Variants in CASR observed in about 807,000 individuals in gnomAD.
CASR encodes calcium sensing receptor, also known as extracellular calcium-sensing receptor.
A neutral mutation model predicts 69.1 loss-of-function variants in CASR; 23 were observed. The ratio of observed to expected loss-of-function variants is 0.33; its 90% CI spans 0.24 to 0.47. CASR has a LOEUF of 0.47. Among genes scored for constraint, CASR ranks in the 20% least tolerant of loss-of-function variants. The pLI is 1.00. For missense variants in CASR, 924 were observed against 1,356.1 expected (o/e 0.68, Z 5.00); for synonymous variants, 541 against 544.7 (o/e 0.99, Z 0.10).
chr3:122,221,837 GGAA>G (rs1412556079), intron 1 of CASR, among the ~76,000 whole-genome samples: 3 of 152,116 alleles, frequency 2.0e-5, no homozygotes, highest in Non-Finnish European at 4.4e-5. Flanking sequence ...GCAATTATTG[GGAA>G]GATTTAATGA....
At chr3:122,280,385 G>A (rs549272674) in intron 5 of CASR, among the ~76,000 whole-genome samples, 3 of 152,276 alleles carry the variant, frequency 2.0e-5, no homozygotes, top group Admixed American at 6.5e-5. Flanking sequence ...GAAATAAAGG[G>A]TATTCAAATA....
intron 1 of CASR, among the ~76,000 whole-genome samples, chr3:122,222,183 G>A (rs1432011065): frequency 6.6e-6 from 1 of 152,160 alleles, no homozygotes; most frequent in Admixed American, 6.5e-5. Flanking sequence ...TTTGCCCTTG[G>A]GAGGGTCCAT....
At position 122,287,510 on chromosome 3, in the gene CASR, C is replaced by T. The variant is rs2074980336; in HGVS notation, c.*2319C>T. ...TTCATCTTAGTCGAATCGGGGTTTT[C>T]ACAGTAACCTCAGTGTTTTCTGAGC... is the stretch of plus-strand genomic sequence containing the variant. On this transcript the variant is annotated 3_prime_UTR_variant, in exon 7 of 7. Coordinates refer to ENST00000639785, the MANE Select transcript of CASR (RefSeq NM_000388.4). The T allele has an allele frequency of 6.6e-6, 1 of 152,228 alleles. No homozygotes were observed. The highest frequency in any genetic ancestry group is 1.5e-5 in the Non-Finnish European group (1 of 68,046). The allele number at this position is 152,228 out of a possible 1,614,324, so 9.4% of individuals were successfully genotyped here.
chr3:122,237,982 T>C (rs1258134637), intron 1 of CASR, among the ~76,000 whole-genome samples: 1 of 152,212 alleles, frequency 6.6e-6, no homozygotes, highest in Non-Finnish European at 1.5e-5. Flanking sequence ...AGCTTATAGC[T>C]GAGGGTGGAG....
chr3:122,200,758 A>G (rs952681138), intron 1 of CASR, among the ~76,000 whole-genome samples: 3 of 152,178 alleles, frequency 2.0e-5, no homozygotes, highest in African/African-American at 7.2e-5. Flanking sequence ...TAGGAGTAAA[A>G]AACATTTATG....
At chr3:122,265,446 A>ACTACTCCTTTG (rs1222838282) in intron 4 of CASR, among the ~76,000 whole-genome samples, 1 of 151,930 alleles carries the variant, frequency 6.6e-6, no homozygotes. Flanking sequence ...CTCTCTCTTC[A>ACTACTCCTTTG]CTACTCCTTT....
chr3:122,268,983 T>C (rs1576864718), intron 4 of CASR, among the ~76,000 whole-genome samples: 1 of 152,224 alleles, frequency 6.6e-6, no homozygotes, highest in East Asian at 1.9e-4. Flanking sequence ...AACAGGGTTA[T>C]TGAGGCATAA....
intron 1 of CASR, among the ~76,000 whole-genome samples, chr3:122,203,685 C>T (rs1035409749): frequency 5.9e-5 from 9 of 152,174 alleles, no homozygotes; most frequent in African/African-American, 2.2e-4. Flanking sequence ...GCCTAGGACT[C>T]ACTGTGCACT....
intron 6 of CASR, among the ~76,000 whole-genome samples, 185 bp downstream of exon 6, chr3:122,282,421 C>A (rs962610583): frequency 6.6e-6 from 1 of 152,230 alleles, no homozygotes; most frequent in African/African-American, 2.4e-5. Context: ...GTTAGATGTT[C>A]TTTTAATACC....
intron 1 of CASR, among the ~76,000 whole-genome samples, chr3:122,217,014 G>T (rs1325507942): frequency 6.6e-6 from 1 of 152,188 alleles, no homozygotes; most frequent in Admixed American, 6.5e-5. Flanking sequence ...ACGTGGAGCT[G>T]ACTGTCTAAC....
At chr3:122,225,889 A>G (rs1008932547) in intron 1 of CASR, among the ~76,000 whole-genome samples, 1 of 152,268 alleles carries the variant, frequency 6.6e-6, no homozygotes, top group Non-Finnish European at 1.5e-5. Context: ...AATACTATGC[A>G]GCCATAAAAA....
intron 1 of CASR, among the ~76,000 whole-genome samples, chr3:122,186,912 T>C (rs1487454241): frequency 1.3e-5 from 2 of 152,246 alleles, no homozygotes; most frequent in Non-Finnish European, 2.9e-5. Flanking sequence ...CTTGGCATTT[T>C]TGGCACTTTG....
At chr3:122,205,948 G>C (rs528678257) in intron 1 of CASR, among the ~76,000 whole-genome samples, 52 of 151,938 alleles carry the variant, frequency 3.4e-4, no homozygotes, top group African/African-American at 1.2e-3. Flanking sequence ...GAATTCATTT[G>C]TCAGTTCTAA....
chr3:122,223,281 T>C (rs2074189752), intron 1 of CASR, among the ~76,000 whole-genome samples: 1 of 151,840 alleles, frequency 6.6e-6, no homozygotes, highest in African/African-American at 2.4e-5. Flanking sequence ...TTCAAAAAAT[T>C]AAGTGAGATG....
chr3:122,251,284 A>G (rs1463891), intron 1 of CASR, among the ~76,000 whole-genome samples: 101,691 of 152,070 alleles, frequency 0.67, 34,312 homozygotes, highest in Admixed American at 0.78. Flanking sequence ...ACCTTCCAAG[A>G]GGGAAGCTCC....
At chr3:122,274,986 G>T (rs1001669970) in intron 4 of CASR, among the ~76,000 whole-genome samples, 1 of 152,202 alleles carries the variant, frequency 6.6e-6, no homozygotes, top group African/African-American at 2.4e-5. Context: ...CAGCAATTAA[G>T]AGCGCAGGAT....
Position 122,262,340 on chromosome 3 carries a change from TAC to T in CASR, c.1306_1307del (p.Thr436LeufsTer20). On this transcript the variant is annotated frameshift_variant, in exon 4 of 7. Coordinates refer to ENST00000639785, the MANE Select transcript of CASR (RefSeq NM_000388.4). LOFTEE classifies it high-confidence loss of function. Reference sequence around the variant, plus strand: ...TTGCCCACGCCTTGCAAGATATATATACCTGCTTACCTGGGAGAGGGCTCTTC... The same window carrying T: ...TTGCCCACGCCTTGCAAGATATATATCTGCTTACCTGGGAGAGGGCTCTTC... ...SIAHALQDIY[T>X]CLPGRGLFTN... is the part of the protein sequence containing the mutation. 6.2e-7 allele frequency: 1 copy of T among 1,614,000 alleles called. No homozygotes were observed. The highest frequency in any genetic ancestry group is 8.5e-7 in the Non-Finnish European group (1 of 1,179,898).
chr3:122,279,225 T>C (rs950337840), intron 5 of CASR, among the ~76,000 whole-genome samples: 5 of 152,194 alleles, frequency 3.3e-5, no homozygotes, highest in Admixed American at 2.0e-4. Context: ...TGGAGTGCTA[T>C]ATCACTCTAG....
chr3:122,271,181 C>A (rs954127454), intron 4 of CASR, among the ~76,000 whole-genome samples: 9 of 152,162 alleles, frequency 5.9e-5, no homozygotes, highest in Non-Finnish European at 1.0e-4. Context: ...TGGACACCTA[C>A]AGGTTTAATA....
Sources: allele counts gnomAD v4.1 joint callset (sites outside exome capture counted in the v4.1 genomes callset), GRCh38; gene constraint gnomAD v4.1.1; transcripts MANE v1.5; gene names NCBI Gene and HGNC (gene_info 2026-07-23, HGNC 2026-07-21).